The following NAV2 variants were observed in gnomAD, a reference collection of about 807,000 sequenced individuals.
NAV2 encodes the protein helicase, APC down-regulated 1.
Under a neutral mutation model 223.2 loss-of-function variants are expected in NAV2, and 54 were observed. That is an observed-to-expected ratio of 0.24 (90% CI 0.19 to 0.30). The LOEUF (loss-of-function observed/expected upper bound fraction) is 0.30, where lower values mean the gene tolerates loss of function less well. Ranked by LOEUF, NAV2 falls within the 10% of genes least tolerant of loss-of-function variation. The pLI is 1.00. For synonymous variants in NAV2, 1,279 were observed against 1,239.3 expected (o/e 1.03, Z -0.67); for missense variants, 2,806 against 3,147.5 (o/e 0.89, Z 2.60).
chr11:20,034,472 C>T (rs1036201911), intron 11 of NAV2, among the ~76,000 whole-genome samples: 4 of 151,892 alleles, frequency 2.6e-5, no homozygotes, highest in Non-Finnish European at 5.9e-5. Flanking sequence ...CTCTGCCTCC[C>T]GGGTTCAAGC....
chr11:19,687,906 A>G (rs965711676), intron 1 of NAV2, among the ~76,000 whole-genome samples: 1 of 152,174 alleles, frequency 6.6e-6, no homozygotes, highest in Non-Finnish European at 1.5e-5. Flanking sequence ...TTGAGAAAGA[A>G]GGTCATGCTT....
rs181102783 is a variant in NAV2, at chr11:20,063,675, A to G, written c.4884+1316A>G. 2.6e-5 allele frequency among the ~76,000 whole-genome samples: 4 copies of G among 152,290 alleles called. No homozygotes were observed. In the East Asian group the frequency reaches 5.8e-4, roughly 22 times the overall value. On this transcript the variant is annotated intron_variant, in intron 20 of 37. Coordinates refer to ENST00000349880, the MANE Select transcript of NAV2 (RefSeq NM_145117.5). ...CAGGCGTGAGCCACCGCGCATGGCTATAGCTGTATGCTATTTACTTTAAAA... is the reference window on the plus strand; with the variant it reads ...CAGGCGTGAGCCACCGCGCATGGCTGTAGCTGTATGCTATTTACTTTAAAA...
chr11:19,662,749 G>C (rs1026166058), intron 1 of NAV2, among the ~76,000 whole-genome samples: 2 of 152,204 alleles, frequency 1.3e-5, no homozygotes, highest in Non-Finnish European at 2.9e-5. Context: ...AGTAGCACCT[G>C]CCTGTCTCAC....
chr11:19,696,791 C>T (rs151275371), intron 1 of NAV2, among the ~76,000 whole-genome samples: 17 of 152,328 alleles, frequency 1.1e-4, no homozygotes, highest in African/African-American at 2.9e-4. Flanking sequence ...AAAAAGACAC[C>T]TTCTCCACCC....
chr11:20,108,852 C>A (rs2062392372), intron 36 of NAV2, among the ~76,000 whole-genome samples: 1 of 152,212 alleles, frequency 6.6e-6, no homozygotes, highest in Admixed American at 6.5e-5. Flanking sequence ...AGCCTGGAGG[C>A]AGCCTAAGAA....
In NAV2 at chr11:19,998,196, G is replaced by T. The variant is rs1275442395; in HGVS notation, c.2768+13949G>T. Among the ~76,000 whole-genome samples, 1 of 151,890 alleles carries T rather than the reference G, an allele frequency of 6.6e-6. No individual in the cohort carries two copies. Among genetic ancestry groups the T allele is most frequent in the Non-Finnish European group, 1.5e-5 (1 of 67,962 alleles). On this transcript the variant is annotated intron_variant, in intron 11 of 37. Transcript: ENST00000349880. The surrounding 1 kb of genome is among the most constrained non-coding windows in gnomAD (Gnocchi z 5.0). Reference sequence around the variant, plus strand: ...AGTTTTCCTCCCCCTTTTCCTTCCAGTCGGCAAACTCCCCCCAAACAGTTT... The same window carrying T: ...AGTTTTCCTCCCCCTTTTCCTTCCATTCGGCAAACTCCCCCCAAACAGTTT...
chr11:19,689,613 T>C lies in NAV2; in HGVS notation c.76-142871T>C, dbSNP rs531362868. 8.7e-4 allele frequency among the ~76,000 whole-genome samples: 132 copies of C among 152,368 alleles called. 1 individual carries two copies. Among genetic ancestry groups the C allele is most frequent in the African/African-American group, 3.0e-3 (123 of 41,588 alleles). On this transcript the variant is annotated intron_variant, in intron 1 of 37. Coordinates refer to the NAV2 transcript ENST00000360655. ...TGATTACTTTATAAGTAGTTCTTTT[T>C]ACAGAAAATTTTATTCATAAGAGAG...
rs79021890 is a variant in NAV2 at position 20,056,381 on chromosome 11, G to A, written c.4831+424G>A. 3,714 of 644,486 alleles carry A rather than the reference G, an allele frequency of 5.8e-3. 105 individuals are homozygous for A. In the African/African-American group the frequency reaches 0.06, roughly 10 times the overall value. The allele number at this position is 644,486 out of a possible 1,614,324, so 39.9% of individuals were successfully genotyped here. A position where few individuals can be genotyped will look rare whatever the true frequency, so the allele number is the denominator to read the frequency against. ...GTAGCTCTGGGGGCCGGGCAGCCACGCCTTTCTGCTCTGCTCCAGAATTTT... is the reference window on the plus strand; with the variant it reads ...GTAGCTCTGGGGGCCGGGCAGCCACACCTTTCTGCTCTGCTCCAGAATTTT... On this transcript the variant is annotated intron_variant, in intron 19 of 37. Transcript: ENST00000349880.
intron 16 of NAV2, 66 bp from the exon 17 acceptor site, chr11:20,051,223 C>T (rs1172544492): frequency 7.1e-7 from 1 of 1,398,912 alleles, no homozygotes; most frequent in African/African-American, 1.4e-5. Context: ...CCCTCCCTAG[C>T]TTTCCCTCTC....
chr11:19,354,567 A>G (rs1316224018), intron 1 of NAV2, among the ~76,000 whole-genome samples: 1 of 152,238 alleles, frequency 6.6e-6, no homozygotes, highest in African/African-American at 2.4e-5. Context: ...TACATTTCAT[A>G]TTTATGATTA....
At chr11:19,637,125 A>C (rs974131555) in intron 1 of NAV2, among the ~76,000 whole-genome samples, 1 of 152,198 alleles carries the variant, frequency 6.6e-6, no homozygotes, top group Non-Finnish European at 1.5e-5. Context: ...GCAAAACATA[A>C]GCTTGCCACA....
At position 19,530,381 on chromosome 11, in the gene NAV2, G is replaced by A. The variant is rs116612334; in HGVS notation, c.75+179354G>A. On this transcript the variant is annotated intron_variant, in intron 1 of 37. Transcript: ENST00000360655. ...GGTTAGATGGTAATAATGCAAGGTA[G>A]CATTTGCTTAGAATTGGCTATGCCC... Among the ~76,000 whole-genome samples the A allele has an allele frequency of 5.5e-3, 835 of 151,890 alleles. 4 individuals carry two copies. Among genetic ancestry groups the A allele is most frequent in the African/African-American group, 0.02 (806 of 41,154 alleles).
At chr11:19,464,260 G>A (rs1233498862) in intron 1 of NAV2, among the ~76,000 whole-genome samples, 2 of 152,122 alleles carry the variant, frequency 1.3e-5, no homozygotes, top group African/African-American at 4.8e-5. Flanking sequence ...TTCTCCCTGA[G>A]CCAGAGCTCT....
chr11:19,956,381 C>CACACACACACAT, intron 10 of NAV2, among the ~76,000 whole-genome samples: 1 of 148,500 alleles, frequency 6.7e-6, no homozygotes, highest in Non-Finnish European at 1.5e-5. Flanking sequence ...CACACACACA[C>CACACACACACAT]ACACACACAC....
At chr11:19,369,670 A>G (rs976746746) in intron 1 of NAV2, among the ~76,000 whole-genome samples, 2 of 152,216 alleles carry the variant, frequency 1.3e-5, no homozygotes, top group Non-Finnish European at 2.9e-5. Flanking sequence ...TTGATTCTAC[A>G]GAATCAATGC....
chr11:20,069,201 A>G (rs969131943), intron 22 of NAV2, among the ~76,000 whole-genome samples: 1 of 152,168 alleles, frequency 6.6e-6, no homozygotes, highest in Non-Finnish European at 1.5e-5. Flanking sequence ...ATGCATAGGG[A>G]TGACAGCATT....
intron 1 of NAV2, among the ~76,000 whole-genome samples, chr11:19,826,094 C>CAAG (rs1199996190): frequency 6.6e-6 from 1 of 152,124 alleles, no homozygotes; most frequent in East Asian, 1.9e-4. Flanking sequence ...GTACTAGTGT[C>CAAG]AAAGGATCCT....
At chr11:19,798,880 T>G (rs900730109) in intron 1 of NAV2, among the ~76,000 whole-genome samples, 2 of 152,198 alleles carry the variant, frequency 1.3e-5, no homozygotes, top group Non-Finnish European at 2.9e-5. Context: ...CTATGGACTC[T>G]TGGAAACAAA....
At chr11:20,059,391 A>AT (rs2058564066) in intron 19 of NAV2, among the ~76,000 whole-genome samples, 1 of 152,162 alleles carries the variant, frequency 6.6e-6, no homozygotes, top group African/African-American at 2.4e-5. Context: ...TTACCTGCAG[A>AT]TTCTCTGTGA....
Sources: gnomAD v4.1 joint callset for allele counts (sites outside exome capture counted in the v4.1 genomes callset) on GRCh38, gnomAD v4.1.1 for gene constraint, Gnocchi (gnomAD v3.1) non-coding constraint, MANE v1.5 for transcripts, NCBI Gene and HGNC (gene_info 2026-07-23, HGNC 2026-07-21) for gene names.